The following PDE6A variants were observed in gnomAD, a reference collection of about 807,000 sequenced individuals.
PDE6A encodes the protein rod cGMP-specific 3',5'-cyclic phosphodiesterase subunit alpha.
PDE6A carries 84 observed loss-of-function variants against 106.3 expected under a neutral mutation model. That is an observed-to-expected ratio of 0.79 (90% confidence interval 0.66 to 0.95). PDE6A has a LOEUF of 0.95. Ranked by LOEUF, PDE6A falls within the 40% of genes least tolerant of loss-of-function variation. The pLI is 0.00. For missense variants in PDE6A, 1,052 were observed against 1,084.9 expected (o/e 0.97, Z 0.43); for synonymous variants, 394 against 386.6 (o/e 1.02, Z -0.23).
chr5:149,892,627 A>C (rs1483438080), intron 13 of PDE6A, among the ~76,000 whole-genome samples: 1 of 151,730 alleles, frequency 6.6e-6, no homozygotes, highest in Non-Finnish European at 1.5e-5. Flanking sequence ...AGTAGCTGGG[A>C]CCACAGGCGT....
chr5:149,901,397 G>A (rs938790542), intron 8 of PDE6A, among the ~76,000 whole-genome samples: 4 of 152,056 alleles, frequency 2.6e-5, no homozygotes, highest in East Asian at 3.9e-4. Context: ...GAATGGGGGC[G>A]CATGCCTGTA....
intron 6 of PDE6A, among the ~76,000 whole-genome samples, chr5:149,910,443 G>GT (rs1338308867): frequency 6.6e-6 from 1 of 152,090 alleles, no homozygotes; most frequent in Non-Finnish European, 1.5e-5. Flanking sequence ...CTTATCACTT[G>GT]TAATTTTTAC....
At chr5:149,921,737 T>C in intron 4 of PDE6A, 28 bp from the exon 5 acceptor site, 1 of 1,579,086 alleles carries the variant, frequency 6.3e-7, no homozygotes, top group Non-Finnish European at 8.7e-7. Context: ...AATAATTACA[T>C]GTTTTGAAAA....
At chr5:149,936,296 T>TA (rs1188014950) in intron 1 of PDE6A, among the ~76,000 whole-genome samples, 1 of 152,222 alleles carries the variant, frequency 6.6e-6, no homozygotes, top group Non-Finnish European at 1.5e-5. Flanking sequence ...TGAAGCTGTT[T>TA]AAAACCAGGT....
chr5:149,908,991 C>A (rs1307791643), intron 6 of PDE6A, among the ~76,000 whole-genome samples: 2 of 151,850 alleles, frequency 1.3e-5, no homozygotes, highest in African/African-American at 2.4e-5. Context: ...TGTTATATTT[C>A]TTCTTGATTT....
At chr5:149,897,072 T>C (rs565558714) in intron 10 of PDE6A, among the ~76,000 whole-genome samples, 3 of 152,344 alleles carry the variant, frequency 2.0e-5, no homozygotes, top group African/African-American at 7.2e-5. Flanking sequence ...AATTTAATTG[T>C]GAAAAGTCAT....
chr5:149,870,887 GA>G (rs944178444), intron 17 of PDE6A, among the ~76,000 whole-genome samples: 61 of 140,640 alleles, frequency 4.3e-4, no homozygotes, highest in African/African-American at 1.5e-3. Context: ...GAGAAAGAAA[GA>G]AAAAGAAAGA....
intron 17 of PDE6A, among the ~76,000 whole-genome samples, chr5:149,882,398 C>T (rs1215727778): frequency 1.3e-5 from 2 of 152,036 alleles, no homozygotes; most frequent in African/African-American, 2.4e-5. Context: ...GGCAACTAGT[C>T]AGCCTTGTCT....
At chr5:149,884,733 C>T (rs755893385) in intron 15 of PDE6A, 47 bp downstream of exon 15, 6 of 1,559,528 alleles carry the variant, frequency 3.8e-6, no homozygotes, top group Admixed American at 1.7e-5. Flanking sequence ...GAAATAGAGC[C>T]TCTGATCCAG....
At position 149,916,512 on chromosome 5, in the gene PDE6A, A is replaced by C. The variant is rs572576289; in HGVS notation, c.934-1505T>G. Among the ~76,000 whole-genome samples the C allele has an allele frequency of 7.3e-3, 1,103 of 151,718 alleles. 12 individuals carry two copies. Among genetic ancestry groups the C allele is most frequent in the African/African-American group, 0.026 (1,059 of 41,324 alleles). On this transcript the variant is annotated intron_variant, in intron 5 of 21. Transcript: ENST00000255266. ...ACCTACCTTCTCATCATGTTTCATG[A>C]CCCCAAACTAACTCTCTGCCTCTTC...
chr5:149,884,830 T>C lies in PDE6A; in HGVS notation c.1876A>G (p.Ile626Val). 2 of 1,614,200 alleles carry C rather than the reference T, an allele frequency of 1.2e-6. No individual in the cohort carries two copies. The highest frequency in any genetic ancestry group is 1.1e-5 in the South Asian group (1 of 91,086). ...AACTCCAAGTGGTGTCTTTCCAAGA[T>C]AGAGGACCCATGGAGCTTGGCCAGT... ...NPLAKLHGSS[I>V]LERHHLEFGK... The change falls in exon 15 of 22, where the codon ATC becomes GTC. Residue 626 changes from isoleucine to valine, a missense_variant. Around this residue, in one of 3 missense-constraint regions of PDE6A, gnomAD observed 913 missense variants for 915.2 expected, o/e 1.00. Transcript: ENST00000255266.
intron 5 of PDE6A, 106 bp from the exon 6 acceptor site, chr5:149,915,113 C>T (rs900699097): frequency 6.0e-6 from 4 of 662,432 alleles, no homozygotes; most frequent in African/African-American, 5.7e-5. Context: ...CAGCTCACTG[C>T]AACCTCCATC....
intron 6 of PDE6A, among the ~76,000 whole-genome samples, chr5:149,912,314 C>T (rs557172350): frequency 6.6e-6 from 1 of 152,262 alleles, no homozygotes; most frequent in African/African-American, 2.4e-5. Context: ...ATTTTGCCTT[C>T]CTTTGGTTTG....
rs780873417 is a variant in PDE6A at position 149,934,633 on chromosome 5, T to C, written c.560A>G (p.Asp187Gly). The C allele has an allele frequency of 6.2e-7, 1 of 1,614,080 alleles. No homozygotes were observed. The highest frequency in any genetic ancestry group is 1.1e-5 in the South Asian group (1 of 91,090). The change falls in exon 2 of 22, where the codon GAT becomes GGT. Residue 187 changes from aspartate (D) to glycine (G), a missense_variant. Asp to Gly is a moderately conservative substitution (Grantham distance 94). Transcript: ENST00000255266. ...ILASPIMNGK[D>G]VVAIIMAVNK... Reference sequence around the variant, plus strand: ...CACAGCCATGATTATGGCCACCACATCCTTCCCATTCATTATGGGGGAAGC... The same window carrying C: ...CACAGCCATGATTATGGCCACCACACCCTTCCCATTCATTATGGGGGAAGC...
chr5:149,879,236 T>C lies in PDE6A; in HGVS notation c.2135+4193A>G, dbSNP rs1367525875. ...ACAGGCGCCTGCTACCTCGCCTAGA[T>C]AATTTTTGTATTTTTAGTAGAGATG... On this transcript the variant is annotated intron_variant, in intron 17 of 21. Coordinates refer to ENST00000255266, the MANE Select transcript of PDE6A (RefSeq NM_000440.3). Among the ~76,000 whole-genome samples the C allele has an allele frequency of 6.6e-5, 10 of 152,060 alleles. No individual in the cohort carries two copies. In the East Asian group the frequency reaches 1.9e-3, roughly 29 times the overall value.
chr5:149,925,114 A>T (rs180741570), intron 4 of PDE6A, among the ~76,000 whole-genome samples: 1 of 152,188 alleles, frequency 6.6e-6, no homozygotes, highest in Non-Finnish European at 1.5e-5. Context: ...GGAAGATAAC[A>T]TATTTCCATA....
chr5:149,866,296 G>A (rs1455026231), intron 19 of PDE6A, 43 bp from the exon 20 acceptor site: 1 of 1,339,984 alleles, frequency 7.5e-7, no homozygotes, highest in Non-Finnish European at 1.1e-6. Flanking sequence ...GACAGTAAGA[G>A]AAACCTACCC....
chr5:149,883,905 T>C (rs1376013831), intron 16 of PDE6A, among the ~76,000 whole-genome samples: 1 of 152,200 alleles, frequency 6.6e-6, no homozygotes, highest in Admixed American at 6.5e-5. Context: ...ATTGTTATTA[T>C]ATTGTTGCTG....
intron 13 of PDE6A, among the ~76,000 whole-genome samples, chr5:149,890,836 A>C (rs918647201): frequency 6.6e-6 from 1 of 152,270 alleles, no homozygotes; most frequent in Non-Finnish European, 1.5e-5. Flanking sequence ...ATTGAAAATT[A>C]AAACAAATGA....
Sources: gnomAD v4.1 joint callset for allele counts (sites outside exome capture counted in the v4.1 genomes callset) on GRCh38, gnomAD v4.1.1 for gene constraint, gnomAD v4.1.1 regional missense constraint, MANE v1.5 for transcripts, NCBI Gene and HGNC (gene_info 2026-07-23, HGNC 2026-07-21) for gene names.